TACC2: variants seen among roughly 807,000 people sequenced by gnomAD.
TACC2 encodes the protein transforming acidic coiled-coil-containing protein 2.
Under a neutral mutation model 227.3 loss-of-function variants are expected in TACC2, and 137 were observed. The observed-to-expected ratio is 0.60, with a 90% CI of 0.52 to 0.69. TACC2 has a LOEUF of 0.69. Ranked by LOEUF, TACC2 falls within the 30% of genes least tolerant of loss-of-function variation. The probability of loss-of-function intolerance (pLI) is 0.00; values close to 1 mark genes in which losing one functional copy is unlikely to be tolerated. For missense variants in TACC2, 3,470 were observed against 3,694.4 expected (o/e 0.94, Z 1.57); for synonymous variants, 1,523 against 1,487.5 (o/e 1.02, Z -0.55).
At chr10:122,096,956 C>T (rs72840807) in intron 5 of TACC2, among the ~76,000 whole-genome samples, 6,077 of 152,284 alleles carry the variant, frequency 0.04, 180 homozygotes, top group East Asian at 0.14. Context: ...AGGGAAGGCA[C>T]TGGAACAGGT....
chr10:122,014,395 G>C (rs936269324), intron 1 of TACC2, among the ~76,000 whole-genome samples: 9 of 152,066 alleles, frequency 5.9e-5, no homozygotes, highest in African/African-American at 2.2e-4. Flanking sequence ...ATTTTTAGTA[G>C]AGATGGCATT....
chr10:122,043,505 CTCTT>C (rs1056732249), intron 2 of TACC2, among the ~76,000 whole-genome samples: 7 of 137,544 alleles, frequency 5.1e-5, no homozygotes, highest in East Asian at 4.2e-4. Flanking sequence ...CTTTCTTTTT[CTCTT>C]TCTTTTTCTT....
chr10:122,085,726 G>A lies in TACC2; in HGVS notation c.3226G>A (p.Ala1076Thr). The A allele has an allele frequency of 2.5e-6, 4 of 1,613,814 alleles. No individual in the cohort carries two copies. The highest frequency in any genetic ancestry group is 3.4e-6 in the Non-Finnish European group (4 of 1,180,020). ...ASPGVTPTQDAPETEACDETQ... is the reference protein window; with the variant it reads ...ASPGVTPTQDTPETEACDETQ... ...CCCCGGAGTCACACCCACCCAGGAT[G>A]CCCCAGAGACAGAGGCATGTGATGA... Residue 1076 changes from alanine to threonine, a missense_variant, in exon 4 of 23, where the codon GCC becomes ACC. By Grantham distance (58) the Ala-to-Thr change is moderately conservative. Transcript: ENST00000369005.
At chr10:122,100,785 T>G (rs1319168179) in intron 5 of TACC2, among the ~76,000 whole-genome samples, 1 of 152,188 alleles carries the variant, frequency 6.6e-6, no homozygotes, top group Non-Finnish European at 1.5e-5. Flanking sequence ...AAGGTGTAAG[T>G]GCAGAAGCAG....
In TACC2 at chr10:122,194,371, A is replaced by G. The variant is rs1374951407; in HGVS notation, c.5835-669A>G. Among the ~76,000 whole-genome samples the G allele has an allele frequency of 1.3e-5, 2 of 151,960 alleles. No individual in the cohort carries two copies. Among genetic ancestry groups the G allele is most frequent in the Non-Finnish European group, 2.9e-5 (2 of 67,992 alleles). ...ACTTTCCTGCAGACCAGCGAGGGCC[A>G]TTTTCACTGTGTCGGGGTTGGTGGC... On this transcript the variant is annotated intron_variant, in intron 7 of 22. Transcript: ENST00000369005. This position sits in a 1 kb window ranked among gnomAD's most constrained non-coding sequence, Gnocchi z 4.4.
At chr10:121,997,709 T>C (rs1395677690) in intron 1 of TACC2, among the ~76,000 whole-genome samples, 1 of 152,152 alleles carries the variant, frequency 6.6e-6, no homozygotes, top group African/African-American at 2.4e-5. Flanking sequence ...TCTAACTGCA[T>C]GCAAGGGCAC....
chr10:122,086,936 C>T lies in TACC2; in HGVS notation c.4436C>T (p.Ala1479Val). 1 of 1,613,958 alleles carries T rather than the reference C, an allele frequency of 6.2e-7. No homozygotes were observed. Among genetic ancestry groups the T allele is most frequent in the African/African-American group, 1.3e-5 (1 of 75,074 alleles). The change falls in exon 4 of 23, where the codon GCT becomes GTT. Residue 1479 changes from alanine (A) to valine (V), a missense_variant. By Grantham distance (64) the Ala-to-Val change is moderately conservative. Transcript: ENST00000369005. ...CAGGTGGAGAAGAAGCAACAGTTGG[C>T]TGGAGAGGCTGAGATTTCCCATCTG... is the stretch of plus-strand genomic sequence containing the variant. ...RLQVEKKQQL[A>V]GEAEISHLAL...
chr10:122,084,282 G>A lies in TACC2; in HGVS notation c.1782G>A (p.Leu594=), dbSNP rs150192288. Residue 594 remains leucine (L), a synonymous_variant, in exon 4 of 23, where the codon CTG becomes CTA. Transcript: ENST00000369005. ...CTGATGGTGGAGACCCAGGGAACCTGCAAGGAGAGGACTCTCAGGCTTTCA... is the reference window on the plus strand; with the variant it reads ...CTGATGGTGGAGACCCAGGGAACCTACAAGGAGAGGACTCTCAGGCTTTCA... ...EPPDGGDPGN[L]QGEDSQAFSS... 1 of 1,614,036 alleles carries A rather than the reference G, an allele frequency of 6.2e-7. No individual in the cohort carries two copies. The highest frequency in any genetic ancestry group is 1.7e-5 in the Admixed American group (1 of 60,032).
chr10:122,245,221 G>A (rs1416061303), intron 19 of TACC2: 1 of 152,210 alleles, frequency 6.6e-6, no homozygotes, highest in Non-Finnish European at 1.5e-5. Flanking sequence ...AGCCAGAAAA[G>A]TCTTCAGGAG....
intron 19 of TACC2, among the ~76,000 whole-genome samples, chr10:122,244,304 C>T (rs948563007): frequency 2.6e-5 from 4 of 152,166 alleles, no homozygotes; most frequent in Non-Finnish European, 5.9e-5. Context: ...CTCCAGTGTC[C>T]CTGGCTGGGA....
chr10:121,995,026 A>G (rs1953261956), intron 1 of TACC2, among the ~76,000 whole-genome samples: 1 of 152,176 alleles, frequency 6.6e-6, no homozygotes, highest in African/African-American at 2.4e-5. Flanking sequence ...TCTGCCCATC[A>G]CAAATTTTAG....
chr10:122,120,752 ATTCTTTCT>A (rs547812472), intron 5 of TACC2, among the ~76,000 whole-genome samples: 2 of 150,718 alleles, frequency 1.3e-5, no homozygotes, highest in African/African-American at 4.9e-5. Flanking sequence ...ACCTGTATTC[ATTCTTTCT>A]TTCTTTCTTT....
chr10:122,050,577 T>C lies in TACC2; in HGVS notation c.146+27T>C. The stretch of plus-strand genomic sequence containing the variant: ...TAGGAGGCCAGCTCTGGAGGACTGA[T>C]GCAGCCCAAGGACTGCCCCGCTCAT... On this transcript the variant is annotated intron_variant, in intron 3 of 22. Transcript: ENST00000369005. The surrounding 1 kb of genome is among the most constrained non-coding windows in gnomAD (Gnocchi z 4.6). 6.3e-7 allele frequency: 1 copy of C among 1,580,520 alleles called. No homozygotes were observed. The highest frequency in any genetic ancestry group is 8.7e-7 in the Non-Finnish European group (1 of 1,150,792).
Position 122,180,598 on chromosome 10 carries a change from G to C in TACC2, c.5835-14442G>C, listed in dbSNP as rs747212330. On this transcript the variant is annotated intron_variant, in intron 7 of 22. Transcript: ENST00000369005. The surrounding 1 kb of genome is among the most constrained non-coding windows in gnomAD (Gnocchi z 4.5). Reference sequence around the variant, plus strand: ...TGTGATCCACCTGCCTCGGCGTCCCGAAGTGCTGGGATTACAGGCATGAGC... The same window carrying C: ...TGTGATCCACCTGCCTCGGCGTCCCCAAGTGCTGGGATTACAGGCATGAGC... Among the ~76,000 whole-genome samples the C allele has an allele frequency of 6.6e-6, 1 of 151,860 alleles. No homozygotes were observed. Among genetic ancestry groups the C allele is most frequent in the Non-Finnish European group, 1.5e-5 (1 of 67,942 alleles).
chr10:122,173,994 G>A (rs1176015081), intron 7 of TACC2, among the ~76,000 whole-genome samples: 4 of 152,212 alleles, frequency 2.6e-5, no homozygotes, highest in East Asian at 3.9e-4. Flanking sequence ...CCTAGGCTGC[G>A]GCCAGCGGAG....
At chr10:122,110,526 G>T (rs1410380911) in intron 5 of TACC2, among the ~76,000 whole-genome samples, 4 of 152,156 alleles carry the variant, frequency 2.6e-5, no homozygotes, top group African/African-American at 4.8e-5. Flanking sequence ...CTTCTAATGA[G>T]TTGGTCCTAC....
chr10:122,067,872 C>T (rs2077561599), intron 3 of TACC2, among the ~76,000 whole-genome samples: 1 of 152,142 alleles, frequency 6.6e-6, no homozygotes, highest in African/African-American at 2.4e-5. Flanking sequence ...TAATAGTTTA[C>T]ATCATATTTG....
chr10:122,060,080 C>A (rs537939212), intron 3 of TACC2, among the ~76,000 whole-genome samples: 1 of 152,300 alleles, frequency 6.6e-6, no homozygotes, highest in African/African-American at 2.4e-5. Context: ...GGGGACCAGG[C>A]ATTCCAGGTG....
intron 5 of TACC2, among the ~76,000 whole-genome samples, chr10:122,115,207 C>CT (rs1261457454): frequency 6.6e-6 from 1 of 152,122 alleles, no homozygotes; most frequent in Non-Finnish European, 1.5e-5. Flanking sequence ...AACACAGAGC[C>CT]TGGGAGGTAG....
Sources: allele counts gnomAD v4.1 joint callset (sites outside exome capture counted in the v4.1 genomes callset), GRCh38; gene constraint gnomAD v4.1.1; non-coding constraint Gnocchi (gnomAD v3.1); transcripts MANE v1.5; gene names NCBI Gene and HGNC (gene_info 2026-07-23, HGNC 2026-07-21).